Variants in TTYH3 observed in about 807,000 individuals in gnomAD.
TTYH3 encodes protein tweety homolog 3.
Under a neutral mutation model 68.2 loss-of-function variants are expected in TTYH3, and 23 were observed. The observed-to-expected ratio is 0.34, with a 90% CI of 0.24 to 0.48. The LOEUF (loss-of-function observed/expected upper bound fraction) is 0.48, where lower values mean the gene tolerates loss of function less well. Ranked by LOEUF, TTYH3 falls within the 20% of genes least tolerant of loss-of-function variation. TTYH3 has a pLI of 0.99. For missense variants in TTYH3, 768 were observed against 727.7 expected (o/e 1.06, Z -0.64); for synonymous variants, 360 against 332.8 (o/e 1.08, Z -0.89).
chr7:2,651,341 CA>C (rs1004839629), intron 7 of TTYH3, among the ~76,000 whole-genome samples: 2 of 152,132 alleles, frequency 1.3e-5, no homozygotes, highest in African/African-American at 4.8e-5. Context: ...CCACTTCCAC[CA>C]AAGCCTGAAG....
In TTYH3 at chr7:2,647,173, G is replaced by C. The variant is rs765393134; in HGVS notation, c.325G>C (p.Gly109Arg). 4 of 1,606,698 alleles carry C rather than the reference G, an allele frequency of 2.5e-6. No individual in the cohort carries two copies. Among genetic ancestry groups the C allele is most frequent in the Admixed American group, 3.4e-5 (2 of 59,446 alleles). The change falls in exon 3 of 14, where the codon GGG becomes CGG. Residue 109 changes from glycine to arginine, a missense_variant. By Grantham distance (125) the Gly-to-Arg change is moderately radical. Coordinates refer to ENST00000258796, the MANE Select transcript of TTYH3 (RefSeq NM_025250.3). ...AGIAVGFYGN[G>R]ETSDGIHRAT... ...CATCGCAGTGGGATTCTACGGCAAC[G>C]GGGAGACCAGTGATGGCATCCATAG...
intron 7 of TTYH3, among the ~76,000 whole-genome samples, chr7:2,650,713 G>C (rs1786151237): frequency 6.6e-6 from 1 of 151,152 alleles, no homozygotes; most frequent in South Asian, 2.1e-4. Context: ...CTTTATTCCA[G>C]GGGGAGGCCA....
At position 2,637,473 on chromosome 7, in the gene TTYH3, G is replaced by A. The variant is rs185091775; in HGVS notation, c.123+5195G>A. Among the ~76,000 whole-genome samples, 24 of 152,304 alleles carry A rather than the reference G, an allele frequency of 1.6e-4. No individual in the cohort carries two copies. The East Asian group carries it at 3.7e-3, about 23-fold the overall frequency. On this transcript the variant is annotated intron_variant, in intron 1 of 13. Transcript: ENST00000258796. ...CATGGGGGGCCGGAAGACTGGGCAC[G>A]GGTTCCAGCTGCAGCCCAGCCACGT...
chr7:2,660,629 C>A, intron 13 of TTYH3: 1 of 882,054 alleles, frequency 1.1e-6, no homozygotes, highest in Non-Finnish European at 1.3e-6. Flanking sequence ...CGGGCCGTGG[C>A]TCCTCCCCCC....
At chr7:2,656,297 C>T in intron 10 of TTYH3, 101 bp from the exon 11 acceptor site, 1 of 1,568,236 alleles carries the variant, frequency 6.4e-7, no homozygotes, top group Non-Finnish European at 8.7e-7. Flanking sequence ...AGCCCTGCCT[C>T]TGGGGGGCGG....
chr7:2,639,830 G>A (rs1411749333), intron 1 of TTYH3, among the ~76,000 whole-genome samples: 1 of 152,172 alleles, frequency 6.6e-6, no homozygotes, highest in African/African-American at 2.4e-5. Flanking sequence ...CTGGCACGAG[G>A]GGCGGGGCAG....
In TTYH3 at chr7:2,632,066, G is replaced by T. The variant is rs1012980493; in HGVS notation, c.-90G>T. 1.7e-6 allele frequency: 2 copies of T among 1,160,042 alleles called. No homozygotes were observed. Among genetic ancestry groups the T allele is most frequent in the Non-Finnish European group, 2.1e-6 (2 of 931,126 alleles). 71.9% of individuals were successfully genotyped at this position (1,160,042 alleles called of 1,614,324 possible). ...GCGCGGATGATGCGGGCGGCCAGGC[G>T]GGGGTCGACGGGTCCCTGAAGCCCG... is the stretch of plus-strand genomic sequence containing the variant. On this transcript the variant is annotated 5_prime_UTR_variant, in exon 1 of 14. Coordinates refer to ENST00000258796, the MANE Select transcript of TTYH3 (RefSeq NM_025250.3).
At position 2,647,253 on chromosome 7, in the gene TTYH3, C is replaced by A. The variant is rs1426054220; in HGVS notation, c.405C>A (p.Arg135=). The change falls in exon 3 of 14, where the codon CGC becomes CGA. Residue 135 remains arginine, a splice_region_variant and synonymous_variant. Coordinates refer to ENST00000258796, the MANE Select transcript of TTYH3 (RefSeq NM_025250.3). ...ANRTVAGVQD[R]VWDTAVGLNH... is the part of the protein sequence containing the mutation. Reference sequence around the variant, plus strand: ...GCACGGTGGCCGGGGTCCAGGACCGCGTGAGTGGCCGCGGAGTTGGGGCCA... The same window carrying A: ...GCACGGTGGCCGGGGTCCAGGACCGAGTGAGTGGCCGCGGAGTTGGGGCCA... 1.3e-6 allele frequency: 2 copies of A among 1,579,420 alleles called. No homozygotes were observed. The highest frequency in any genetic ancestry group is 2.7e-5 in the African/African-American group (2 of 74,614).
intron 1 of TTYH3, among the ~76,000 whole-genome samples, chr7:2,640,902 T>G (rs1321097328): frequency 2.0e-5 from 3 of 152,216 alleles, no homozygotes. Context: ...GGGTCTCGCC[T>G]TACAAGTGCG....
rs961464091 is a variant in TTYH3 at position 2,664,499 on chromosome 7, A to G, written c.*2760A>G. The G allele has an allele frequency of 6.6e-6, 1 of 151,784 alleles. No homozygotes were observed. The highest frequency in any genetic ancestry group is 6.6e-5 in the Admixed American group (1 of 15,210). The allele number at this position is 151,784 out of a possible 1,614,324, so 9.4% of individuals were successfully genotyped here. A position where few individuals can be genotyped will look rare whatever the true frequency, so the allele number is the denominator to read the frequency against. ...AATATATATATATATAATCTCCTTA[A>G]GACTCAGCCTCCTGGTTTACCCCCC... On this transcript the variant is annotated 3_prime_UTR_variant, in exon 14 of 14. Transcript: ENST00000258796.
chr7:2,651,497 A>G (rs1190004618), intron 7 of TTYH3, among the ~76,000 whole-genome samples: 1 of 152,124 alleles, frequency 6.6e-6, no homozygotes, highest in Non-Finnish European at 1.5e-5. Flanking sequence ...CGGTGCTATC[A>G]TCCTGGTCCC....
At chr7:2,660,620 G>A (rs542638298) in intron 13 of TTYH3, 100 of 907,490 alleles carry the variant, frequency 1.1e-4, no homozygotes, top group Non-Finnish European at 1.2e-4. Context: ...ACGAGGCTCC[G>A]GGCCGTGGCT....
chr7:2,658,801 C>G, intron 12 of TTYH3, 139 bp from the exon 13 acceptor site: 1 of 850,974 alleles, frequency 1.2e-6, no homozygotes, highest in South Asian at 1.6e-5. Context: ...CCCTTTGTTA[C>G]TGTGCTGGGT....
intron 7 of TTYH3, among the ~76,000 whole-genome samples, chr7:2,650,468 C>T (rs1243281679): frequency 1.3e-5 from 2 of 152,076 alleles, no homozygotes; most frequent in Admixed American, 1.3e-4. Flanking sequence ...ATCCCAGCTA[C>T]TCCGGAGACT....
In TTYH3 at chr7:2,632,081, C is replaced by T. The variant is rs1489518140; in HGVS notation, c.-75C>T. ...GCGGCCAGGCGGGGGTCGACGGGTC[C>T]CTGAAGCCCGCGCCCCGGGCCAGCA... On this transcript the variant is annotated 5_prime_UTR_variant, in exon 1 of 14. Transcript: ENST00000258796. 1.6e-6 allele frequency: 2 copies of T among 1,217,802 alleles called. No homozygotes were observed. The highest frequency in any genetic ancestry group is 1.0e-6 in the Non-Finnish European group (1 of 977,130). 75.4% of individuals were successfully genotyped at this position (1,217,802 alleles called of 1,614,324 possible). A position where few individuals can be genotyped will look rare whatever the true frequency, so the allele number is the denominator to read the frequency against.
In TTYH3 at chr7:2,652,204, C is replaced by T. The variant is rs138174391; in HGVS notation, c.889C>T (p.Leu297=). ...VLSGDILQYY[L]ACSPRAANPF... is the part of the protein sequence containing the mutation. ...CTCCGCAGACATCCTGCAGTACTACCTGGCCTGCTCGCCCCGCGCCGCCAA... is the reference window on the plus strand; with the variant it reads ...CTCCGCAGACATCCTGCAGTACTACTTGGCCTGCTCGCCCCGCGCCGCCAA... The change falls in exon 8 of 14, where the codon CTG becomes TTG. Residue 297 remains leucine, a synonymous_variant. Coordinates refer to ENST00000258796, the MANE Select transcript of TTYH3 (RefSeq NM_025250.3). The T allele has an allele frequency of 2.5e-6, 4 of 1,613,356 alleles. 1 individual carries two copies. In the South Asian group the frequency reaches 3.3e-5, roughly 13 times the overall value.
intron 1 of TTYH3, among the ~76,000 whole-genome samples, chr7:2,641,038 G>A (rs1785828106): frequency 6.6e-6 from 1 of 152,322 alleles, no homozygotes; most frequent in African/African-American, 2.4e-5. Context: ...CCCTGAAGGG[G>A]AAGGCTCCAG....
rs1349112063 is a variant in TTYH3, at chr7:2,656,468, C to T, written c.1184C>T (p.Ser395Phe). ...GGCCTCATCTACCTGGCCCTCTTCTCCTTCGTCACAGCCCTCATGTTCAGC... is the reference window on the plus strand; with the variant it reads ...GGCCTCATCTACCTGGCCCTCTTCTTCTTCGTCACAGCCCTCATGTTCAGC... ...VEGLIYLALF[S>F]FVTALMFSSI... The change falls in exon 11 of 14, where the codon TCC (serine) becomes TTC (phenylalanine). Residue 395 changes from serine to phenylalanine, a missense_variant. By Grantham distance (155) the Ser-to-Phe change is radical. Transcript: ENST00000258796. 6 of 1,612,420 alleles carry T rather than the reference C, an allele frequency of 3.7e-6. No individual in the cohort carries two copies. The highest frequency in any genetic ancestry group is 5.1e-6 in the Non-Finnish European group (6 of 1,179,836).
At chr7:2,659,359 T>C (rs1786428030) in intron 13 of TTYH3, among the ~76,000 whole-genome samples, 1 of 152,200 alleles carries the variant, frequency 6.6e-6, no homozygotes, top group South Asian at 2.1e-4. Flanking sequence ...GTGGCCCCAC[T>C]GTGGCCCTCC....
Sources: allele counts gnomAD v4.1 joint callset (sites outside exome capture counted in the v4.1 genomes callset), GRCh38; gene constraint gnomAD v4.1.1; transcripts MANE v1.5; gene names NCBI Gene and HGNC (gene_info 2026-07-23, HGNC 2026-07-21).